STAU1: variants seen among roughly 807,000 people sequenced by gnomAD.
STAU1 encodes the protein staufen double-stranded RNA binding protein 1, also known as double-stranded RNA-binding protein Staufen homolog 1.
In STAU1, 13 loss-of-function variants were observed where a neutral mutation model predicts 62.9. The ratio of observed to expected loss-of-function variants is 0.21; its 90% confidence interval spans 0.13 to 0.33. The LOEUF (loss-of-function observed/expected upper bound fraction) is 0.33. Among genes scored for constraint, STAU1 ranks in the 10% least tolerant of loss-of-function variants. STAU1 has a pLI of 1.00. For synonymous variants in STAU1, 269 were observed against 265.1 expected (o/e 1.01, Z -0.14); for missense variants, 571 against 712.1 (o/e 0.80, Z 2.25).
At position 49,115,755 on chromosome 20, in the gene STAU1, C is replaced by T. The variant is rs770836036; in HGVS notation, c.1718+27G>A. ...CGAGGGGCAGCCTCCCCATCATCAG[C>T]GCCTTCCCCTTCATCAGTGCACTCA... On this transcript the variant is annotated intron_variant, in intron 13 of 13. Transcript: ENST00000371856. The T allele has an allele frequency of 8.2e-6, 13 of 1,588,330 alleles. No individual in the cohort carries two copies. In the African/African-American group the frequency reaches 1.2e-4, roughly 15 times the overall value.
chr20:49,132,411 T>C (rs753508474), intron 6 of STAU1, among the ~76,000 whole-genome samples: 1 of 152,220 alleles, frequency 6.6e-6, no homozygotes, highest in Non-Finnish European at 1.5e-5. Flanking sequence ...TGTCTCCCGA[T>C]GACCGTATCC....
intron 1 of STAU1, among the ~76,000 whole-genome samples, chr20:49,185,557 TG>T (rs2093776643): frequency 6.6e-6 from 1 of 152,206 alleles, no homozygotes; most frequent in African/African-American, 2.4e-5. Flanking sequence ...GACCTTAATC[TG>T]GGGCAATCTG....
intron 1 of STAU1, among the ~76,000 whole-genome samples, 167 bp from the exon 2 acceptor site, chr20:49,174,436 C>T (rs144801762): frequency 1.4e-4 from 21 of 152,264 alleles, no homozygotes; most frequent in African/African-American, 2.9e-4. Flanking sequence ...AAGACACAAG[C>T]GGCCAGACAT....
chr20:49,118,128 C>G (rs761437733), intron 10 of STAU1, 32 bp from the exon 11 acceptor site: 2 of 1,597,728 alleles, frequency 1.3e-6, no homozygotes, highest in Non-Finnish European at 1.7e-6. Flanking sequence ...AACACGAATC[C>G]ACATCCACAG....
intron 6 of STAU1, among the ~76,000 whole-genome samples, chr20:49,133,477 A>AC (rs1244232523): frequency 6.6e-6 from 1 of 152,028 alleles, no homozygotes; most frequent in African/African-American, 2.4e-5. Context: ...GAAAAGCAAC[A>AC]CTTCTCCCCT....
chr20:49,177,105 T>G (rs1249818520), intron 1 of STAU1, among the ~76,000 whole-genome samples: 1 of 151,604 alleles, frequency 6.6e-6, no homozygotes, highest in Non-Finnish European at 1.5e-5. Context: ...TAGAGATGGG[T>G]CTCACCATGT....
At chr20:49,129,256 C>G (rs1044557341) in intron 6 of STAU1, among the ~76,000 whole-genome samples, 2 of 149,744 alleles carry the variant, frequency 1.3e-5, no homozygotes, top group Non-Finnish European at 3.0e-5. Context: ...TACTGACTAC[C>G]TGCTAGAATG....
intron 5 of STAU1, among the ~76,000 whole-genome samples, chr20:49,137,206 G>A (rs536946656): frequency 1.3e-5 from 2 of 152,238 alleles, no homozygotes; most frequent in Admixed American, 6.5e-5. Context: ...ATAAGGATGC[G>A]ATGAAACACA....
At chr20:49,131,527 A>T (rs2092749561) in intron 6 of STAU1, among the ~76,000 whole-genome samples, 1 of 152,140 alleles carries the variant, frequency 6.6e-6, no homozygotes, top group Non-Finnish European at 1.5e-5. Context: ...AAAAACAGAA[A>T]ATAATATGTA....
At chr20:49,214,448 G>A in the STAU1 span, among the ~76,000 whole-genome samples, 1 of 150,854 alleles carries the variant, frequency 6.6e-6, no homozygotes, top group Non-Finnish European at 1.5e-5. Flanking sequence ...AACCCGGGAG[G>A]CAGAAGTTGT....
intron 2 of STAU1, among the ~76,000 whole-genome samples, chr20:49,170,074 G>A (rs543799373): frequency 3.7e-4 from 57 of 152,224 alleles, no homozygotes; most frequent in Admixed American, 9.2e-4. Flanking sequence ...TGAGCGCTAC[G>A]AAAGTTTTTT....
chr20:49,171,511 T>C (rs2093596801), intron 2 of STAU1, among the ~76,000 whole-genome samples: 2 of 152,104 alleles, frequency 1.3e-5, no homozygotes, highest in Admixed American at 1.3e-4. Context: ...GTGGTCTCTA[T>C]CTCCTGACCT....
At chr20:49,167,417 TGAG>T (rs2093540998) in intron 2 of STAU1, among the ~76,000 whole-genome samples, 5 of 152,202 alleles carry the variant, frequency 3.3e-5, no homozygotes, top group Admixed American at 3.3e-4. Flanking sequence ...TTAAGCTACT[TGAG>T]GAGTCCTAAC....
At chr20:49,155,696 C>T (rs1421295223) in intron 3 of STAU1, among the ~76,000 whole-genome samples, 2 of 152,198 alleles carry the variant, frequency 1.3e-5, no homozygotes, top group Non-Finnish European at 2.9e-5. Flanking sequence ...ACATGAATTA[C>T]AGATCTCTCT....
rs571379892 is a variant in STAU1, at chr20:49,167,524, T to C, written c.-84-1239A>G. 2.0e-5 allele frequency among the ~76,000 whole-genome samples: 3 copies of C among 152,266 alleles called. No homozygotes were observed. In the South Asian group the frequency reaches 6.2e-4, roughly 32 times the overall value. ...GGATAGCAGAGGCATAAGTATTACC[T>C]TATTCAACAAAATTCCCCAAGAGTG... On this transcript the variant is annotated intron_variant, in intron 2 of 13. Transcript: ENST00000371856.
chr20:49,155,398 T>C (rs2093341885), intron 3 of STAU1, among the ~76,000 whole-genome samples: 1 of 152,248 alleles, frequency 6.6e-6, no homozygotes, highest in Non-Finnish European at 1.5e-5. Context: ...AATTTTTTTT[T>C]CTTTCAGTTC....
In STAU1 at chr20:49,114,266, C is replaced by T. The variant is rs1360017267; in HGVS notation, c.*612G>A. The T allele has an allele frequency of 6.6e-6, 1 of 152,604 alleles. No individual in the cohort carries two copies. Among genetic ancestry groups the T allele is most frequent in the Non-Finnish European group, 1.5e-5 (1 of 68,100 alleles). The allele number at this position is 152,604 out of a possible 1,614,324, so 9.5% of individuals were successfully genotyped here. The stretch of plus-strand genomic sequence containing the variant: ...CTCAAATGAAAATTTTATATAGTGT[C>T]ATATCAATCAAAAGAAAATAATGAA... On this transcript the variant is annotated 3_prime_UTR_variant, in exon 14 of 14. Coordinates refer to ENST00000371856, the MANE Select transcript of STAU1 (RefSeq NM_017453.4).
chr20:49,216,697 T>C, the STAU1 span, among the ~76,000 whole-genome samples: 1 of 152,116 alleles, frequency 6.6e-6, no homozygotes, highest in Non-Finnish European at 1.5e-5. Flanking sequence ...CTATTCCTTT[T>C]AGACTTGGGT....
chr20:49,175,799 T>C (rs113606063), intron 1 of STAU1, among the ~76,000 whole-genome samples: 12 of 6,680 alleles, frequency 1.8e-3, no homozygotes, highest in African/African-American at 6.0e-3. Flanking sequence ...TCATAATGCC[T>C]TTTTTTTTTT....
Sources: allele counts gnomAD v4.1 joint callset (sites outside exome capture counted in the v4.1 genomes callset), GRCh38; gene constraint gnomAD v4.1.1; transcripts MANE v1.5; gene names NCBI Gene and HGNC (gene_info 2026-07-23, HGNC 2026-07-21).